COG5: variants seen among roughly 807,000 people sequenced by gnomAD.
COG5 encodes the protein component of oligomeric golgi complex 5.
A neutral mutation model predicts 110.4 loss-of-function variants in COG5; 86 were observed. That is an observed-to-expected ratio of 0.78 (90% confidence interval 0.65 to 0.93). COG5 has a LOEUF of 0.93. COG5 is among the 40% of genes least tolerant of loss of function. COG5 has a pLI of 0.00. For synonymous variants in COG5, 360 were observed against 334.6 expected, an observed-to-expected ratio of 1.08 and a Z score of -0.83; for missense variants, 1,077 against 987.0, an observed-to-expected ratio of 1.09 and a Z score of -1.22.
At chr7:107,490,015 G>C (rs1237773260) in intron 6 of COG5, among the ~76,000 whole-genome samples, 1 of 151,960 alleles carries the variant, frequency 6.6e-6, no homozygotes, top group East Asian at 1.9e-4. Flanking sequence ...TTATTATTCT[G>C]AAATTTTATT....
intron 6 of COG5, among the ~76,000 whole-genome samples, chr7:107,438,874 C>G (rs567862740): frequency 6.6e-6 from 1 of 152,176 alleles, no homozygotes; most frequent in South Asian, 2.1e-4. Context: ...TACAGTCTTT[C>G]AAGTAGGCAT....
intron 11 of COG5, 54 bp from the exon 12 acceptor site, chr7:107,298,400 T>C: frequency 6.9e-7 from 1 of 1,448,796 alleles, no homozygotes; most frequent in Non-Finnish European, 9.6e-7. Context: ...GTAGTAAATG[T>C]TTCTTTTGCA....
In COG5 at chr7:107,236,625, C is replaced by A. The variant is rs757204685; in HGVS notation, c.1916G>T (p.Gly639Val). The change falls in exon 18 of 22, where the codon GGT becomes GTT. Residue 639 changes from glycine to valine, a missense_variant. By Grantham distance (109) the Gly-to-Val change is moderately radical. Coordinates refer to ENST00000297135, the MANE Select transcript of COG5 (RefSeq NM_006348.5). The stretch of plus-strand genomic sequence containing the variant: ...GTCACTCATAACTCTGGCAATGAAA[C>A]CTTGTAGCTCCTTCATGTACAGAGA... ...PCSLYMKELQ[G>V]FIARVMSDYF... 64 of 1,613,978 alleles carry A rather than the reference C, an allele frequency of 4.0e-5. No homozygotes were observed. Among genetic ancestry groups the A allele is most frequent in the Non-Finnish European group, 5.3e-5 (62 of 1,180,002 alleles).
intron 6 of COG5, among the ~76,000 whole-genome samples, chr7:107,501,405 G>A (rs1798623745): frequency 6.6e-6 from 1 of 152,040 alleles, no homozygotes; most frequent in African/African-American, 2.4e-5. Flanking sequence ...AGCAAGGGGT[G>A]ATAGCAAGGT....
At chr7:107,461,367 TTAAA>T (rs1795981375) in intron 6 of COG5, among the ~76,000 whole-genome samples, 1 of 150,438 alleles carries the variant, frequency 6.6e-6, no homozygotes, top group Non-Finnish European at 1.5e-5. Flanking sequence ...GGAAAAAATC[TTAAA>T]TAATGTAATA....
intron 6 of COG5, among the ~76,000 whole-genome samples, chr7:107,415,416 A>T (rs1207323436): frequency 1.3e-5 from 2 of 152,144 alleles, no homozygotes; most frequent in African/African-American, 4.8e-5. Context: ...GCCATTTTTT[A>T]AAAACAAACC....
chr7:107,320,374 A>G (rs772021953), intron 11 of COG5, among the ~76,000 whole-genome samples: 5 of 152,252 alleles, frequency 3.3e-5, no homozygotes, highest in African/African-American at 1.2e-4. Flanking sequence ...TTTTCCTTTT[A>G]GAATATCTTT....
intron 7 of COG5, among the ~76,000 whole-genome samples, chr7:107,386,234 G>A (rs1451799964): frequency 2.8e-5 from 4 of 145,266 alleles, no homozygotes; most frequent in Admixed American, 7.1e-5. Flanking sequence ...TAGACCATCC[G>A]CAGGTATATG....
intron 17 of COG5, among the ~76,000 whole-genome samples, chr7:107,247,747 T>C (rs182319791): frequency 6.8e-4 from 103 of 152,364 alleles, no homozygotes; most frequent in African/African-American, 2.5e-3. Context: ...TTAGGAACTA[T>C]GATTATTATT....
chr7:107,281,493 G>A, intron 13 of COG5, 94 bp from the exon 14 acceptor site: 1 of 907,188 alleles, frequency 1.1e-6, no homozygotes, highest in African/African-American at 1.6e-5. Flanking sequence ...TAAGCAATGT[G>A]GTTATTCTTT....
At chr7:107,545,234 C>T (rs1482225788) in intron 5 of COG5, among the ~76,000 whole-genome samples, 1 of 151,926 alleles carries the variant, frequency 6.6e-6, no homozygotes, top group Non-Finnish European at 1.5e-5. Context: ...ACAAAAATTC[C>T]CCAAATCTGT....
At chr7:107,264,966 A>AAATG (rs1336260917) in intron 14 of COG5, among the ~76,000 whole-genome samples, 1 of 152,188 alleles carries the variant, frequency 6.6e-6, no homozygotes, top group African/African-American at 2.4e-5. Context: ...AAAAAAGCAA[A>AAATG]AATGTAAAGA....
At chr7:107,543,962 T>A (rs1802237325) in intron 5 of COG5, among the ~76,000 whole-genome samples, 1 of 151,504 alleles carries the variant, frequency 6.6e-6, no homozygotes, top group African/African-American at 2.4e-5. Context: ...GACTCACACC[T>A]GCCTCAGTGG....
At chr7:107,293,513 T>C (rs1806344132) in intron 12 of COG5, among the ~76,000 whole-genome samples, 1 of 152,174 alleles carries the variant, frequency 6.6e-6, no homozygotes, top group South Asian at 2.1e-4. Flanking sequence ...TTTCCTAGAC[T>C]TTCTTGAATA....
intron 6 of COG5, 21 bp downstream of exon 6, chr7:107,527,216 T>TAAAA (rs201626701): frequency 1.9e-5 from 27 of 1,386,450 alleles, no homozygotes; most frequent in African/African-American, 4.5e-5. Context: ...ACTTTTTATT[T>TAAAA]AAAAAAAAAA....
chr7:107,237,974 AT>A lies in COG5; in HGVS notation c.1854-1288del, dbSNP rs960380976. 5.3e-5 allele frequency among the ~76,000 whole-genome samples: 8 copies of A among 152,130 alleles called. No individual in the cohort carries two copies. The East Asian group carries it at 9.6e-4, about 18-fold the overall frequency. The stretch of plus-strand genomic sequence containing the variant: ...TCCGAAAATGGTGCCAATCTATTTC[AT>A]TTTTTTAATGTTTATTTTTGATGAA... On this transcript the variant is annotated intron_variant, in intron 17 of 21. Transcript: ENST00000297135.
intron 6 of COG5, among the ~76,000 whole-genome samples, chr7:107,487,103 C>G (rs182370431): frequency 5.3e-5 from 8 of 152,164 alleles, no homozygotes; most frequent in Admixed American, 4.6e-4. Context: ...TATAAAACTT[C>G]TAAAATTAAA....
chr7:107,212,396 C>T (rs1363825736), intron 19 of COG5, among the ~76,000 whole-genome samples: 3 of 152,234 alleles, frequency 2.0e-5, no homozygotes, highest in African/African-American at 4.8e-5. Flanking sequence ...CCTTGAAAAT[C>T]TGCAAGGTCC....
At position 107,399,030 on chromosome 7, in the gene COG5, C is replaced by T. The variant is rs1243596835; in HGVS notation, c.669+13472G>A. Among the ~76,000 whole-genome samples, 5 of 151,944 alleles carry T rather than the reference C, an allele frequency of 3.3e-5. No homozygotes were observed. In the South Asian group the frequency reaches 6.2e-4, roughly 19 times the overall value. The stretch of plus-strand genomic sequence containing the variant: ...CAACCCTGCCAACATAGTAAAACCA[C>T]GTCTCTACTAAAAATATAAAAATTA... On this transcript the variant is annotated intron_variant, in intron 7 of 21. Coordinates refer to ENST00000297135, the MANE Select transcript of COG5 (RefSeq NM_006348.5).
Sources: allele counts gnomAD v4.1 joint callset (sites outside exome capture counted in the v4.1 genomes callset), GRCh38; gene constraint gnomAD v4.1.1; transcripts MANE v1.5; gene names NCBI Gene and HGNC (gene_info 2026-07-23, HGNC 2026-07-21).